WNT4: variants seen among roughly 807,000 people sequenced by gnomAD.
WNT4 encodes the protein Wnt family member 4.
Under a neutral mutation model 34.5 loss-of-function variants are expected in WNT4, and 16 were observed. The observed-to-expected ratio is 0.46, with a 90% CI of 0.31 to 0.70. The LOEUF (loss-of-function observed/expected upper bound fraction) is 0.70. Among genes scored for constraint, WNT4 ranks in the 30% least tolerant of loss-of-function variants. The pLI is 0.04. For synonymous variants in WNT4, 200 were observed against 211.9 expected (o/e 0.94, Z 0.49); for missense variants, 379 against 495.9 (o/e 0.76, Z 2.24).
Position 22,139,063 on chromosome 1 carries a change from C to T in WNT4, c.77+3783G>A, listed in dbSNP as rs968852873. Reference sequence around the variant, plus strand: ...GCTAGGTCTTCCTGACTCTGGGAGGCTCCTGCGGGGGCCCTTGTTGAGCAA... The same window carrying T: ...GCTAGGTCTTCCTGACTCTGGGAGGTTCCTGCGGGGGCCCTTGTTGAGCAA... On this transcript the variant is annotated intron_variant, in intron 1 of 4. Transcript: ENST00000290167. This position sits in a 1 kb window ranked among gnomAD's most constrained non-coding sequence, Gnocchi z 4.6. Among the ~76,000 whole-genome samples, 1 of 152,198 alleles carries T rather than the reference C, an allele frequency of 6.6e-6. No individual in the cohort carries two copies. The highest frequency in any genetic ancestry group is 1.5e-5 in the Non-Finnish European group (1 of 68,008).
rs138745182 is a variant in WNT4 at position 22,130,494 on chromosome 1, G to A, written c.78-643C>T. Among the ~76,000 whole-genome samples the A allele has an allele frequency of 7.9e-5, 12 of 152,344 alleles. No individual in the cohort carries two copies. The East Asian group carries it at 1.9e-3, about 24-fold the overall frequency. The stretch of plus-strand genomic sequence containing the variant: ...TGTGTGGACGCTTCAAAAGCCAAGT[G>A]CAGCATGCTCTCCCTCCCCCAGGGG... On this transcript the variant is annotated intron_variant, in intron 1 of 4. Coordinates refer to ENST00000290167, the MANE Select transcript of WNT4 (RefSeq NM_030761.5).
chr1:22,132,860 C>G (rs1645994753), intron 1 of WNT4, among the ~76,000 whole-genome samples: 1 of 152,170 alleles, frequency 6.6e-6, no homozygotes, highest in Non-Finnish European at 1.5e-5. Context: ...CCCCTGTTCC[C>G]CCAGACCCCA....
At chr1:22,138,940 CCAATGGAAAG>C (rs955957261) in intron 1 of WNT4, among the ~76,000 whole-genome samples, 3 of 152,204 alleles carry the variant, frequency 2.0e-5, no homozygotes, top group African/African-American at 4.8e-5. Flanking sequence ...GGACTCAAAG[CCAATGGAAAG>C]CATGATGCGT....
intron 2 of WNT4, among the ~76,000 whole-genome samples, chr1:22,124,067 C>G (rs1317607069): frequency 6.6e-6 from 1 of 152,228 alleles, no homozygotes; most frequent in Non-Finnish European, 1.5e-5. Context: ...CATCTCTGCC[C>G]AGGTTCCCAG....
In WNT4 at chr1:22,118,676, C is replaced by T. The variant is rs1278457347; in HGVS notation, c.*1374G>A. On this transcript the variant is annotated 3_prime_UTR_variant, in exon 5 of 5. Coordinates refer to ENST00000290167, the MANE Select transcript of WNT4 (RefSeq NM_030761.5). ...TCTGCCCTTAGGAACCATGTGGGCT[C>T]CAGCTCAGCCTGTGGTCTCTGGCTC... is the stretch of plus-strand genomic sequence containing the variant. 6.5e-6 allele frequency: 1 copy of T among 152,674 alleles called. No homozygotes were observed. The highest frequency in any genetic ancestry group is 6.5e-5 in the Admixed American group (1 of 15,284). The allele number at this position is 152,674 out of a possible 1,614,324, so 9.5% of individuals were successfully genotyped here.
intron 2 of WNT4, among the ~76,000 whole-genome samples, chr1:22,123,205 C>T (rs1645915744): frequency 1.3e-5 from 2 of 152,124 alleles, no homozygotes; most frequent in South Asian, 2.1e-4. Flanking sequence ...ATGAGACTGG[C>T]GGGTCGCCTC....
chr1:22,136,433 CCAG>C (rs1646022357), intron 1 of WNT4, among the ~76,000 whole-genome samples: 1 of 152,174 alleles, frequency 6.6e-6, no homozygotes, highest in Non-Finnish European at 1.5e-5. Context: ...AGGTGAAACC[CCAG>C]CAGAACTGTC....
intron 2 of WNT4, among the ~76,000 whole-genome samples, chr1:22,121,995 CA>C (rs1645903457): frequency 6.6e-6 from 1 of 152,188 alleles, no homozygotes; most frequent in African/African-American, 2.4e-5. Flanking sequence ...GAAGACCAGA[CA>C]GGCTGGGAGA....
intron 1 of WNT4, among the ~76,000 whole-genome samples, chr1:22,138,769 G>T (rs1164165398): frequency 1.3e-5 from 2 of 152,170 alleles, no homozygotes; most frequent in African/African-American, 4.8e-5. Context: ...TGTGTGGTTG[G>T]CACTGCACAT....
At chr1:22,133,002 A>G (rs939855300) in intron 1 of WNT4, among the ~76,000 whole-genome samples, 5 of 152,118 alleles carry the variant, frequency 3.3e-5, no homozygotes, top group Non-Finnish European at 5.9e-5. Flanking sequence ...GTATCCAACT[A>G]GCATTTGGCT....
intron 2 of WNT4, among the ~76,000 whole-genome samples, chr1:22,129,357 C>T (rs1645964700): frequency 6.6e-6 from 1 of 152,218 alleles, no homozygotes; most frequent in Admixed American, 6.5e-5. Flanking sequence ...AAACACGGTG[C>T]TCTTTTGAGT....
intron 1 of WNT4, among the ~76,000 whole-genome samples, chr1:22,133,127 C>T (rs561591823): frequency 6.6e-6 from 1 of 152,274 alleles, no homozygotes; most frequent in South Asian, 2.1e-4. Flanking sequence ...ACTCTCTTTC[C>T]TCTGTACCTG....
Position 22,119,199 on chromosome 1 carries a change from T to TCC in WNT4, c.*850_*851insGG, listed in dbSNP as rs1376945797. 3.1e-5 allele frequency: 3 copies of TCC among 96,588 alleles called. No individual in the cohort carries two copies. Among genetic ancestry groups the TCC allele is most frequent in the Admixed American group, 1.1e-4 (1 of 9,010 alleles). 6.0% of individuals were successfully genotyped at this position (96,588 alleles called of 1,614,324 possible). A position where few individuals can be genotyped will look rare whatever the true frequency, so the allele number is the denominator to read the frequency against. On this transcript the variant is annotated 3_prime_UTR_variant, in exon 5 of 5. Transcript: ENST00000290167. ...GTGTGTGTGTGTCCGTGTGTGTGTG[T>TCC]GTGTGTGTGTGTGTGTGTGTGTGTG...
intron 2 of WNT4, chr1:22,127,433 T>C (rs200770028): frequency 7.5e-6 from 4 of 533,326 alleles, no homozygotes; most frequent in Non-Finnish European, 1.5e-5. Context: ...TGACCTGCTT[T>C]CTGTCAGTAG....
chr1:22,136,222 G>A (rs1646020604), intron 1 of WNT4, among the ~76,000 whole-genome samples: 1 of 152,172 alleles, frequency 6.6e-6, no homozygotes, highest in South Asian at 2.1e-4. Flanking sequence ...TGAGGCAGGT[G>A]TGTTGTTGGG....
chr1:22,124,664 C>G (rs962713919), intron 2 of WNT4, among the ~76,000 whole-genome samples: 3 of 152,180 alleles, frequency 2.0e-5, no homozygotes, highest in African/African-American at 7.2e-5. Flanking sequence ...GGATTAGAAC[C>G]AAGGCTTGTC....
Position 22,143,076 on chromosome 1 carries a change from G to T in WNT4, c.-154C>A. The T allele has an allele frequency of 5.0e-6, 1 of 199,546 alleles. No homozygotes were observed. Among genetic ancestry groups the T allele is most frequent in the Non-Finnish European group, 8.7e-6 (1 of 114,336 alleles). 12.4% of individuals were successfully genotyped at this position (199,546 alleles called of 1,614,324 possible). A position where few individuals can be genotyped will look rare whatever the true frequency, so the allele number is the denominator to read the frequency against. ...CGGCAGCCTGCCCGCTGCTGCGCCC[G>T]CTGCCCGGCGCGGACCAGACTGTCA... is the stretch of plus-strand genomic sequence containing the variant. On this transcript the variant is annotated 5_prime_UTR_variant, in exon 1 of 5. Coordinates refer to ENST00000290167, the MANE Select transcript of WNT4 (RefSeq NM_030761.5).
At position 22,141,401 on chromosome 1, in the gene WNT4, A is replaced by T. The variant is rs1646065470; in HGVS notation, c.77+1445T>A. ...ACCCATGCATTCAAGAACCAGCTCC[A>T]GGGACACCCAGGGTCCTCCAAGTCC... is the stretch of plus-strand genomic sequence containing the variant. On this transcript the variant is annotated intron_variant, in intron 1 of 4. Coordinates refer to ENST00000290167, the MANE Select transcript of WNT4 (RefSeq NM_030761.5). 2.6e-5 allele frequency among the ~76,000 whole-genome samples: 4 copies of T among 152,108 alleles called. No individual in the cohort carries two copies. The South Asian group carries it at 8.3e-4, about 32-fold the overall frequency.
Position 22,119,060 on chromosome 1 carries a change from GGT to G in WNT4, c.*988_*989del, listed in dbSNP as rs142659556. 14 of 152,824 alleles carry G rather than the reference GGT, an allele frequency of 9.2e-5. No individual in the cohort carries two copies. Among genetic ancestry groups the G allele is most frequent in the Non-Finnish European group, 1.2e-4 (8 of 68,456 alleles). The allele number at this position is 152,824 out of a possible 1,614,324, so 9.5% of individuals were successfully genotyped here. A position where few individuals can be genotyped will look rare whatever the true frequency, so the allele number is the denominator to read the frequency against. ...AGCCCTTTCCTCCCTCCCTCTCGCAGGTGTGTGTGTGTGTGTTTTCCTTTTTC... is the reference window on the plus strand; with the variant it reads ...AGCCCTTTCCTCCCTCCCTCTCGCAGGTGTGTGTGTGTGTTTTCCTTTTTC... On this transcript the variant is annotated 3_prime_UTR_variant, in exon 5 of 5. Coordinates refer to ENST00000290167, the MANE Select transcript of WNT4 (RefSeq NM_030761.5).
Sources: allele counts gnomAD v4.1 joint callset (sites outside exome capture counted in the v4.1 genomes callset), GRCh38; gene constraint gnomAD v4.1.1; non-coding constraint Gnocchi (gnomAD v3.1); transcripts MANE v1.5; gene names NCBI Gene and HGNC (gene_info 2026-07-23, HGNC 2026-07-21).